HAGHL: variants seen among roughly 807,000 people sequenced by gnomAD.
HAGHL encodes the protein hydroxyacylglutathione hydrolase like, also known as hydroxyacylglutathione hydrolase-like protein.
HAGHL carries 27 observed loss-of-function variants against 29.2 expected under a neutral mutation model. The ratio of observed to expected loss-of-function variants is 0.92; its 90% CI spans 0.68 to 1.27. The LOEUF (loss-of-function observed/expected upper bound fraction) is 1.27. HAGHL is among the 50% of genes most tolerant of loss of function. The pLI is 0.00. For synonymous variants in HAGHL, 223 were observed against 185.7 expected, an observed-to-expected ratio of 1.20 and a Z score of -1.63; for missense variants, 529 against 405.5, an observed-to-expected ratio of 1.30 and a Z score of -2.62.
chr16:729,145 T>G (rs753034194), intron 7 of HAGHL, 57 bp downstream of exon 7: 11 of 1,595,448 alleles, frequency 6.9e-6, no homozygotes, highest in African/African-American at 2.7e-5. Flanking sequence ...TAGGAAGGCA[T>G]CTGGGGACTG....
rs1011520981 is a variant in HAGHL at position 727,458 on chromosome 16, T to C, written c.-52T>C. The C allele has an allele frequency of 3.1e-5, 35 of 1,130,566 alleles. No individual in the cohort carries two copies. The highest frequency in any genetic ancestry group is 4.3e-5 in the Non-Finnish European group (33 of 761,666). 70.0% of individuals were successfully genotyped at this position (1,130,566 alleles called of 1,614,324 possible). A position where few individuals can be genotyped will look rare whatever the true frequency, so the allele number is the denominator to read the frequency against. ...CGGGCCCCGCCCTGAAGGGGCACCG[T>C]GGGCTGGGGGGCCTGTTTTGGAGCA... is the stretch of plus-strand genomic sequence containing the variant. On this transcript the variant is annotated 5_prime_UTR_variant, in exon 1 of 8. Coordinates refer to ENST00000389703, the MANE Select transcript of HAGHL (RefSeq NM_032304.4).
chr16:728,618 G>T lies in HAGHL; in HGVS notation c.498+14G>T. 1 of 1,437,376 alleles carries T rather than the reference G, an allele frequency of 7.0e-7. No individual in the cohort carries two copies. The highest frequency in any genetic ancestry group is 9.3e-7 in the Non-Finnish European group (1 of 1,074,142). 89.0% of individuals were successfully genotyped at this position (1,437,376 alleles called of 1,614,324 possible). A position where few individuals can be genotyped will look rare whatever the true frequency, so the allele number is the denominator to read the frequency against. Reference sequence around the variant, plus strand: ...CCCCCCGAGACGGTGAGCGGGCCTGGGCCCTCCCCTCTTCTCCCGTGGGCA... The same window carrying T: ...CCCCCCGAGACGGTGAGCGGGCCTGTGCCCTCCCCTCTTCTCCCGTGGGCA... On this transcript the variant is annotated intron_variant, in intron 5 of 7. Coordinates refer to ENST00000389703, the MANE Select transcript of HAGHL (RefSeq NM_032304.4).
chr16:728,135 C>A lies in HAGHL; in HGVS notation c.190C>A (p.Pro64Thr). ...CCGCAGGGACCACGCGCGGGGAAAC[C>A]CGGAGCTGGCGCGGCTTCGTCCCGG... ...HHHWDHARGN[P>T]ELARLRPGLA... The change falls in exon 3 of 8, where the codon CCG (proline) becomes ACG (threonine). Residue 64 changes from proline to threonine, a missense_variant. Physicochemically the swap from Pro to Thr is conservative, Grantham distance 38. Transcript: ENST00000389703. 4 of 1,475,866 alleles carry A rather than the reference C, an allele frequency of 2.7e-6. No homozygotes were observed. The highest frequency in any genetic ancestry group is 2.7e-5 in the South Asian group (2 of 74,232). The allele number at this position is 1,475,866 out of a possible 1,614,324, so 91.4% of individuals were successfully genotyped here.
rs866334221 is a variant in HAGHL, at chr16:727,803, G to T, written c.106-162G>T. 3.8e-6 allele frequency: 3 copies of T among 794,942 alleles called. No homozygotes were observed. The African/African-American group carries it at 5.3e-5, about 14-fold the overall frequency. 49.2% of individuals were successfully genotyped at this position (794,942 alleles called of 1,614,324 possible). ...CTCCGCCCTTTCGCTGCTGCCTGGCGGTCCCTGCACGCGCTGGGCGCAGTC... is the reference window on the plus strand; with the variant it reads ...CTCCGCCCTTTCGCTGCTGCCTGGCTGTCCCTGCACGCGCTGGGCGCAGTC... On this transcript the variant is annotated intron_variant, in intron 1 of 7. Transcript: ENST00000389703.
chr16:727,830 C>A, intron 1 of HAGHL, 135 bp from the exon 2 acceptor site: 1 of 998,242 alleles, frequency 1.0e-6, no homozygotes, highest in Non-Finnish European at 1.5e-6. Flanking sequence ...GGCGCAGTCA[C>A]CGCCCGCTGG....
chr16:728,922 G>A (rs2041211926), intron 6 of HAGHL, 27 bp downstream of exon 6: 2 of 1,158,512 alleles, frequency 1.7e-6, no homozygotes, highest in African/African-American at 3.1e-5. Context: ...GCCGCGGCAA[G>A]AGGGTGGGGG....
At position 728,856 on chromosome 16, in the gene HAGHL, C is replaced by G. The variant is rs374200519; in HGVS notation, c.561C>G (p.Pro187=). ...TGGAGTTTGCCCAGAAAGTGGAGCC[C>G]TGCAACGACCACGTGAGAGCCAAGC... The part of the protein sequence containing the change: ...SNLEFAQKVE[P]CNDHVRAKLS... The change falls in exon 6 of 8, where the codon CCC becomes CCG. Residue 187 remains proline (P), a synonymous_variant. Coordinates refer to ENST00000389703, the MANE Select transcript of HAGHL (RefSeq NM_032304.4). 3.7e-6 allele frequency: 6 copies of G among 1,610,354 alleles called. No individual in the cohort carries two copies. The African/African-American group carries it at 5.4e-5, about 14-fold the overall frequency.
At chr16:728,643 A>G (rs755674190) in intron 5 of HAGHL, 39 bp downstream of exon 5, 1 of 1,303,228 alleles carries the variant, frequency 7.7e-7, no homozygotes, top group South Asian at 1.4e-5. Flanking sequence ...TCCCGTGGGC[A>G]CAGCCCCCAC....
chr16:727,554 C>A lies in HAGHL; in HGVS notation c.45C>A (p.Tyr15Ter). ...CCGTGCTCGAGGACAACTACATGTA[C>A]CTGGTCATCGAGGAGCTCACGCGCG... Reference protein sequence around the residue: ...VIPVLEDNYMYLVIEELTREA... With the variant: ...VIPVLEDNYM Residue 15 changes from tyrosine to a stop codon, truncating the protein, a stop_gained, in exon 1 of 8, where the codon TAC becomes TAA. Transcript: ENST00000389703. LOFTEE classifies it high-confidence loss of function. 2 of 1,612,006 alleles carry A rather than the reference C, an allele frequency of 1.2e-6. No homozygotes were observed. Among genetic ancestry groups the A allele is most frequent in the Non-Finnish European group, 1.7e-6 (2 of 1,179,490 alleles).
At chr16:727,649 G>A in intron 1 of HAGHL, 35 bp downstream of exon 1, 1 of 1,440,446 alleles carries the variant, frequency 6.9e-7, no homozygotes, top group Non-Finnish European at 9.6e-7. Flanking sequence ...GGACCCGGCC[G>A]TGTCCCCCGA....
chr16:727,643 C>A, intron 1 of HAGHL, 29 bp downstream of exon 1: 1 of 1,456,996 alleles, frequency 6.9e-7, no homozygotes, highest in Non-Finnish European at 9.5e-7. Flanking sequence ...CCGCAGGGAC[C>A]CGGCCGTGTC....
At position 728,302 on chromosome 16, in the gene HAGHL, C is replaced by T; in HGVS notation, c.289-14C>T. On this transcript the variant is annotated splice_polypyrimidine_tract_variant and intron_variant, in intron 3 of 7. Transcript: ENST00000389703. ...CCACCCGCCCTCACAGGTCCGCCTGCTCCTCCGCCGCAGTTCGGGGCCATC... is the reference window on the plus strand; with the variant it reads ...CCACCCGCCCTCACAGGTCCGCCTGTTCCTCCGCCGCAGTTCGGGGCCATC... 6.5e-7 allele frequency: 1 copy of T among 1,532,536 alleles called. No homozygotes were observed. The highest frequency in any genetic ancestry group is 8.7e-7 in the Non-Finnish European group (1 of 1,143,920). 94.9% of individuals were successfully genotyped at this position (1,532,536 alleles called of 1,614,324 possible).
Position 729,663 on chromosome 16 carries a change from T to C in HAGHL, c.*207T>C. ...GTGTGGGCGCCGAGACCTGGGTGTCTGGGAAGTGGGGCACACGGGGCCTCC... is the reference window on the plus strand; with the variant it reads ...GTGTGGGCGCCGAGACCTGGGTGTCCGGGAAGTGGGGCACACGGGGCCTCC... On this transcript the variant is annotated 3_prime_UTR_variant, in exon 8 of 8. Coordinates refer to ENST00000389703, the MANE Select transcript of HAGHL (RefSeq NM_032304.4). The C allele has an allele frequency of 6.6e-7, 1 of 1,510,308 alleles. No individual in the cohort carries two copies. Among genetic ancestry groups the C allele is most frequent in the Non-Finnish European group, 8.8e-7 (1 of 1,133,634 alleles). The allele number at this position is 1,510,308 out of a possible 1,614,324, so 93.6% of individuals were successfully genotyped here.
Position 728,048 on chromosome 16 carries a change from CG to C in HAGHL, c.170+23del. The C allele has an allele frequency of 6.3e-7, 1 of 1,574,926 alleles. No homozygotes were observed. The highest frequency in any genetic ancestry group is 2.4e-5 in the East Asian group (1 of 41,018). Reference sequence around the variant, plus strand: ...ATCACTGGTGAGCGCCGGCGGGGCGCGGGGAGGCACGAGGACGCCGCCTTGT... The same window carrying C: ...ATCACTGGTGAGCGCCGGCGGGGCGCGGGAGGCACGAGGACGCCGCCTTGT... On this transcript the variant is annotated intron_variant, in intron 2 of 7. Coordinates refer to ENST00000389703, the MANE Select transcript of HAGHL (RefSeq NM_032304.4).
At position 729,009 on chromosome 16, in the gene HAGHL, A is replaced by T; in HGVS notation, c.601A>T (p.Lys201Ter). The T allele has an allele frequency of 6.2e-7, 1 of 1,608,596 alleles. No individual in the cohort carries two copies. Among genetic ancestry groups the T allele is most frequent in the South Asian group, 1.1e-5 (1 of 90,272 alleles). ...TGACCGGGGCCTGTGGTCACTCCAG[A>T]AGAGGGATGAGGATGACGTGCCCAC... ...HVRAKLSWAK[K>*]RDEDDVPTVP... The change falls in exon 7 of 8, where the codon AAG becomes TAG. Residue 201 changes from lysine to a stop codon, truncating the protein, a stop_gained and splice_region_variant. Coordinates refer to ENST00000389703, the MANE Select transcript of HAGHL (RefSeq NM_032304.4). LOFTEE classifies it high-confidence loss of function.
rs1361716165 is a variant in HAGHL at position 728,196 on chromosome 16, C to G, written c.251C>G (p.Ser84Trp). 6.9e-7 allele frequency: 1 copy of G among 1,453,204 alleles called. No individual in the cohort carries two copies. The highest frequency in any genetic ancestry group is 1.4e-5 in the South Asian group (1 of 70,966). 90.0% of individuals were successfully genotyped at this position (1,453,204 alleles called of 1,614,324 possible). A position where few individuals can be genotyped will look rare whatever the true frequency, so the allele number is the denominator to read the frequency against. ...CTGGGCGCGGACGAGCGCATCTTCT[C>G]GCTGACGCGCAGGCTGGCGCACGGC... ...AVLGADERIFSLTRRLAHGEE... is the reference protein window; with the variant it reads ...AVLGADERIFWLTRRLAHGEE... The change falls in exon 3 of 8, where the codon TCG (serine) becomes TGG (tryptophan). Residue 84 changes from serine to tryptophan, a missense_variant. Ser to Trp is a radical substitution (Grantham distance 177, BLOSUM62 -3). Transcript: ENST00000389703.
Position 728,775 on chromosome 16 carries a change from C to G in HAGHL, c.499-19C>G, listed in dbSNP as rs762169394. 6.2e-7 allele frequency: 1 copy of G among 1,608,386 alleles called. No homozygotes were observed. The highest frequency in any genetic ancestry group is 8.5e-7 in the Non-Finnish European group (1 of 1,176,922). On this transcript the variant is annotated intron_variant, in intron 5 of 7. Coordinates refer to ENST00000389703, the MANE Select transcript of HAGHL (RefSeq NM_032304.4). ...CGCTTCCTGGCCGCGTGCGCGCTCA[C>G]CGAGCGCTCTTCCTCCAGAAGGTGT...
At position 727,388 on chromosome 16, in the gene HAGHL, G is replaced by A; in HGVS notation, c.-122G>A. On this transcript the variant is annotated 5_prime_UTR_variant, in exon 1 of 8. Transcript: ENST00000389703. ...GGGCTTCTCTTTTGGCCCCCAGCGT[G>A]TTGACCGAGCCCGCTTCGCACAGCC... 5 of 587,034 alleles carry A rather than the reference G, an allele frequency of 8.5e-6. No homozygotes were observed. Among genetic ancestry groups the A allele is most frequent in the South Asian group, 4.2e-5 (2 of 47,268 alleles). The allele number at this position is 587,034 out of a possible 1,614,324, so 36.4% of individuals were successfully genotyped here.
rs746014745 is a variant in HAGHL at position 728,580 on chromosome 16, G to A, written c.474G>A (p.Glu158=). Reference sequence around the variant, plus strand: ...AGCAGATGTACCAGAGCCTGGCCGAGCTGGGTACCCTGCCCCCCGAGACGG... The same window carrying A: ...AGCAGATGTACCAGAGCCTGGCCGAACTGGGTACCCTGCCCCCCGAGACGG... The part of the protein sequence containing the change: ...SAQQMYQSLA[E]LGTLPPETKV... The change falls in exon 5 of 8, where the codon GAG becomes GAA. Residue 158 remains glutamate, a synonymous_variant. Transcript: ENST00000389703. 6.6e-6 allele frequency: 10 copies of A among 1,517,426 alleles called. No homozygotes were observed. Among genetic ancestry groups the A allele is most frequent in the Non-Finnish European group, 8.8e-6 (10 of 1,138,586 alleles). The allele number at this position is 1,517,426 out of a possible 1,614,324, so 94.0% of individuals were successfully genotyped here.
Sources: allele counts gnomAD v4.1 joint callset, GRCh38; gene constraint gnomAD v4.1.1; transcripts MANE v1.5; gene names NCBI Gene and HGNC (gene_info 2026-07-23, HGNC 2026-07-21).